Variants in TLK2 observed in about 807,000 individuals in gnomAD.
TLK2 encodes the protein serine/threonine-protein kinase tousled-like 2.
A neutral mutation model predicts 117.3 loss-of-function variants in TLK2; 6 were observed. The ratio of observed to expected loss-of-function variants is 0.05; its 90% CI spans 0.03 to 0.10. TLK2 has a LOEUF of 0.10. Among genes scored for constraint, TLK2 ranks in the 10% least tolerant of loss-of-function variants. The pLI is 1.00. For missense variants in TLK2, 299 were observed against 901.2 expected (o/e 0.33, Z 8.56); for synonymous variants, 257 against 316.7 (o/e 0.81, Z 2.00).
rs544900638 is a variant in TLK2, at chr17:62,505,407, ATTTTTTTT to A, written c.82-15347_82-15340del. Among the ~76,000 whole-genome samples the A allele has an allele frequency of 3.7e-4, 20 of 53,768 alleles. 1 individual carries two copies. The highest frequency in any genetic ancestry group is 2.8e-3 in the East Asian group (5 of 1,788). 35.3% of individuals were successfully genotyped at this position (53,768 alleles called of 152,430 possible). On this transcript the variant is annotated intron_variant, in intron 2 of 21. Transcript: ENST00000346027. ...TACAGTCATGCACTACCATACCCAGATTTTTTTTTTTTTTTTTTTTTTTTTTGGTAGAG... is the reference window on the plus strand; with the variant it reads ...TACAGTCATGCACTACCATACCCAGATTTTTTTTTTTTTTTTTTGGTAGAG...
At chr17:62,515,668 A>G (rs1347778393) in intron 2 of TLK2, among the ~76,000 whole-genome samples, 1 of 151,796 alleles carries the variant, frequency 6.6e-6, no homozygotes, top group Non-Finnish European at 1.5e-5. Context: ...CCATTTTTTC[A>G]TTGGGTTGTT....
At chr17:62,559,982 T>G (rs1336452361) in intron 9 of TLK2, 34 bp from the exon 10 acceptor site, 1 of 1,465,046 alleles carries the variant, frequency 6.8e-7, no homozygotes, top group Non-Finnish European at 9.4e-7. Flanking sequence ...ATCTTCTTCC[T>G]TGGAGCTAAT....
chr17:62,536,154 C>A lies in TLK2; in HGVS notation c.364-16C>A, dbSNP rs764849601. 1.2e-6 allele frequency: 2 copies of A among 1,607,932 alleles called. No homozygotes were observed. The highest frequency in any genetic ancestry group is 1.1e-5 in the South Asian group (1 of 90,558). On this transcript the variant is annotated splice_polypyrimidine_tract_variant and intron_variant, in intron 6 of 21. Coordinates refer to ENST00000346027, the MANE Select transcript of TLK2 (RefSeq NM_006852.6). ...TCTTTCTCATGTCATTTGTGTGTTT[C>A]TTTACTGTTTTCCAGCGACGAGTAG...
At chr17:62,534,849 T>C (rs2076997816) in intron 6 of TLK2, among the ~76,000 whole-genome samples, 1 of 150,702 alleles carries the variant, frequency 6.6e-6, no homozygotes, top group Admixed American at 6.6e-5. Context: ...AAAAACATAC[T>C]CTTCATTGCA....
chr17:62,552,508 C>T (rs1033086503), intron 8 of TLK2, 111 bp downstream of exon 8: 4 of 1,531,380 alleles, frequency 2.6e-6, no homozygotes, highest in African/African-American at 2.7e-5. Flanking sequence ...CTCTGACCAC[C>T]TCATTATTTG....
chr17:62,604,448 C>T (rs149988663), intron 19 of TLK2, among the ~76,000 whole-genome samples: 210 of 152,060 alleles, frequency 1.4e-3, no homozygotes, highest in African/African-American at 4.7e-3. Context: ...TATCATAGAG[C>T]TGTCTTTTAC....
At chr17:62,508,026 G>GT (rs1322262689) in intron 2 of TLK2, among the ~76,000 whole-genome samples, 2 of 152,038 alleles carry the variant, frequency 1.3e-5, no homozygotes, top group African/African-American at 2.4e-5. Flanking sequence ...AGGGGAGGTA[G>GT]TTTAAATGTT....
At chr17:62,501,319 G>A (rs942623319) in intron 2 of TLK2, among the ~76,000 whole-genome samples, 2 of 152,178 alleles carry the variant, frequency 1.3e-5, no homozygotes, top group African/African-American at 4.8e-5. Context: ...AGCTAATACA[G>A]TGCTTTAGAA....
intron 12 of TLK2, among the ~76,000 whole-genome samples, chr17:62,575,767 GCTC>G (rs1297996687): frequency 6.6e-6 from 1 of 151,710 alleles, no homozygotes; most frequent in African/African-American, 2.4e-5. Context: ...CATGATTATA[GCTC>G]ACTATAGCCT....
intron 10 of TLK2, among the ~76,000 whole-genome samples, chr17:62,563,298 G>T (rs556744362): frequency 1.3e-5 from 2 of 152,272 alleles, no homozygotes; most frequent in African/African-American, 4.8e-5. Flanking sequence ...ACTAAAATTA[G>T]CTGGGTGTGG....
chr17:62,607,419 C>T (rs577021815), intron 20 of TLK2, among the ~76,000 whole-genome samples: 205 of 151,662 alleles, frequency 1.4e-3, no homozygotes, highest in African/African-American at 4.7e-3. Flanking sequence ...GTCCCAGCTA[C>T]TCGGGAGGCT....
chr17:62,475,351 AATT>A (rs1472078277), upstream of TLK2, among the ~76,000 whole-genome samples: 10 of 151,970 alleles, frequency 6.6e-5, no homozygotes, highest in Admixed American at 3.3e-4. Flanking sequence ...CAATAATAAT[AATT>A]ATTATTTTAG....
intron 16 of TLK2, among the ~76,000 whole-genome samples, chr17:62,595,920 G>A (rs1277830474): frequency 6.6e-6 from 1 of 152,022 alleles, no homozygotes; most frequent in East Asian, 1.9e-4. Context: ...TGATGTATCA[G>A]CTTTAGAGGA....
chr17:62,595,674 C>T (rs2082425560), intron 16 of TLK2, among the ~76,000 whole-genome samples: 1 of 151,706 alleles, frequency 6.6e-6, no homozygotes, highest in Non-Finnish European at 1.5e-5. Flanking sequence ...CAGTGGATGA[C>T]TGTATCAAAT....
At chr17:62,543,674 T>A (rs2077702867) in intron 7 of TLK2, among the ~76,000 whole-genome samples, 1 of 152,226 alleles carries the variant, frequency 6.6e-6, no homozygotes, top group African/African-American at 2.4e-5. Flanking sequence ...TACCCATTTT[T>A]AAATTGTGTT....
chr17:62,525,858 T>C (rs2076336666), intron 6 of TLK2, among the ~76,000 whole-genome samples: 1 of 152,250 alleles, frequency 6.6e-6, no homozygotes, highest in Non-Finnish European at 1.5e-5. Flanking sequence ...GTCTCTGTTT[T>C]TCTTAAGTTT....
At chr17:62,591,357 TA>T (rs112140835) in intron 16 of TLK2, among the ~76,000 whole-genome samples, 7,318 of 144,354 alleles carry the variant, frequency 0.051, 281 homozygotes, top group South Asian at 0.21. Context: ...ATATGTAATT[TA>T]AAAAAAAAAA....
At chr17:62,523,553 G>C (rs1238508451) in intron 5 of TLK2, among the ~76,000 whole-genome samples, 1 of 152,178 alleles carries the variant, frequency 6.6e-6, no homozygotes, top group Non-Finnish European at 1.5e-5. Context: ...TCCAGCCTGG[G>C]TGACAGTGAG....
At chr17:62,598,671 C>G (rs1395537274) in intron 17 of TLK2, among the ~76,000 whole-genome samples, 2 of 151,410 alleles carry the variant, frequency 1.3e-5, no homozygotes, top group Admixed American at 1.3e-4. Context: ...ATTACAGATG[C>G]ACGCCACCAT....
Sources: gnomAD v4.1 joint callset for allele counts (sites outside exome capture counted in the v4.1 genomes callset) on GRCh38, gnomAD v4.1.1 for gene constraint, MANE v1.5 for transcripts, NCBI Gene and HGNC (gene_info 2026-07-23, HGNC 2026-07-21) for gene names.